Variants in ARPP21 observed in about 807,000 individuals in gnomAD.
ARPP21 encodes the protein cAMP regulated phosphoprotein 21, also known as cAMP-regulated phosphoprotein 21.
ARPP21 carries 69 observed loss-of-function variants against 113.2 expected under a neutral mutation model. The observed-to-expected ratio is 0.61, with a 90% CI of 0.50 to 0.74. The LOEUF (loss-of-function observed/expected upper bound fraction) is 0.74, where lower values mean the gene tolerates loss of function less well. Ranked by LOEUF, ARPP21 falls within the 30% of genes least tolerant of loss-of-function variation. ARPP21 has a pLI of 0.00. For synonymous variants in ARPP21, 368 were observed against 375.5 expected, an observed-to-expected ratio of 0.98 and a Z score of 0.23; for missense variants, 1,070 against 1,037.4, an observed-to-expected ratio of 1.03 and a Z score of -0.43.
At chr3:35,665,753 G>A (rs1416197783) in intron 1 of ARPP21, among the ~76,000 whole-genome samples, 1 of 152,152 alleles carries the variant, frequency 6.6e-6, no homozygotes, top group Non-Finnish European at 1.5e-5. Flanking sequence ...ATTCCATTTT[G>A]TAAAAAGTTA....
At chr3:35,685,798 A>T (rs1219004980) in intron 5 of ARPP21, 27 of 851,958 alleles carry the variant, frequency 3.2e-5, no homozygotes, top group Non-Finnish European at 3.8e-5. Flanking sequence ...ATATAAACTT[A>T]TCCTGTACCA....
At chr3:35,748,270 GAA>G (rs1249222369) in intron 19 of ARPP21, among the ~76,000 whole-genome samples, 2 of 129,276 alleles carry the variant, frequency 1.5e-5, no homozygotes, top group African/African-American at 5.9e-5. Context: ...AGGAGAGAGA[GAA>G]AGAAAGAAAA....
intron 12 of ARPP21, 100 bp downstream of exon 12, chr3:35,715,576 A>C: frequency 1.1e-6 from 1 of 926,906 alleles, no homozygotes; most frequent in Non-Finnish European, 1.7e-6. Flanking sequence ...TGTGTGCTTG[A>C]ATATATGTAT....
intron 19 of ARPP21, among the ~76,000 whole-genome samples, chr3:35,744,965 T>G (rs893536724): frequency 6.6e-6 from 1 of 152,210 alleles, no homozygotes; most frequent in African/African-American, 2.4e-5. Context: ...TCCTGTCAGA[T>G]TGGAGAAAGA....
At chr3:35,737,091 TA>T in intron 15 of ARPP21, 86 bp from the exon 16 acceptor site, 1 of 773,232 alleles carries the variant, frequency 1.3e-6, no homozygotes, top group South Asian at 1.9e-5. Context: ...TACTTTAGGT[TA>T]CTTTTTGAGT....
intron 1 of ARPP21, among the ~76,000 whole-genome samples, chr3:35,661,487 A>G (rs1707789830): frequency 6.6e-6 from 1 of 152,192 alleles, no homozygotes; most frequent in African/African-American, 2.4e-5. Flanking sequence ...AGTTGCTGCT[A>G]TAATTATTTA....
intron 19 of ARPP21, among the ~76,000 whole-genome samples, chr3:35,788,376 T>A (rs146263443): frequency 9.6e-4 from 147 of 152,342 alleles, no homozygotes; most frequent in African/African-American, 3.3e-3. Flanking sequence ...AATTTTTATA[T>A]GAAGCAGCTT....
chr3:35,764,411 T>C (rs1035130401), intron 19 of ARPP21, among the ~76,000 whole-genome samples: 4 of 152,206 alleles, frequency 2.6e-5, no homozygotes, highest in African/African-American at 9.6e-5. Flanking sequence ...ATAAAGTGTG[T>C]GGCAAAAGAT....
intron 1 of ARPP21, among the ~76,000 whole-genome samples, chr3:35,662,082 G>C (rs1575538555): frequency 6.6e-6 from 1 of 152,210 alleles, no homozygotes; most frequent in African/African-American, 2.4e-5. Flanking sequence ...GAGAGTTAAA[G>C]GTCAAAATAG....
At chr3:35,742,462 A>G (rs2094728618) in intron 18 of ARPP21, among the ~76,000 whole-genome samples, 2 of 152,232 alleles carry the variant, frequency 1.3e-5, no homozygotes, top group African/African-American at 4.8e-5. Context: ...GCGAATCACT[A>G]TAAGCAAGGT....
intron 19 of ARPP21, among the ~76,000 whole-genome samples, chr3:35,751,873 TA>T (rs1431368114): frequency 3.3e-5 from 5 of 152,074 alleles, no homozygotes; most frequent in Non-Finnish European, 7.4e-5. Context: ...TCTGCCTATG[TA>T]AACTCAAAAC....
intron 1 of ARPP21, among the ~76,000 whole-genome samples, chr3:35,648,704 A>G (rs1701214450): frequency 1.3e-5 from 2 of 152,208 alleles, no homozygotes; most frequent in Non-Finnish European, 2.9e-5. Flanking sequence ...TGGTTCCCCT[A>G]TCAAAAAATT....
chr3:35,672,534 A>G (rs534061699), intron 1 of ARPP21, among the ~76,000 whole-genome samples: 6 of 152,210 alleles, frequency 3.9e-5, no homozygotes, highest in South Asian at 4.1e-4. Context: ...GCCATTACTG[A>G]TTAGAATCCA....
intron 19 of ARPP21, among the ~76,000 whole-genome samples, chr3:35,786,632 C>T (rs1332626285): frequency 2.0e-5 from 3 of 151,804 alleles, no homozygotes; most frequent in Non-Finnish European, 2.9e-5. Flanking sequence ...AGTTAACAAA[C>T]TTTGACAAAC....
chr3:35,761,427 A>T (rs539774352), intron 19 of ARPP21, among the ~76,000 whole-genome samples: 2 of 152,200 alleles, frequency 1.3e-5, no homozygotes, highest in South Asian at 4.1e-4. Context: ...TCTTCTTTAT[A>T]CAGTAACCCC....
intron 19 of ARPP21, among the ~76,000 whole-genome samples, chr3:35,755,118 C>A (rs1455824065): frequency 1.3e-5 from 2 of 151,904 alleles, no homozygotes; most frequent in Non-Finnish European, 2.9e-5. Context: ...ATGTGATTTA[C>A]CTGATTATTT....
rs186347908 is a variant in ARPP21 at position 35,721,584 on chromosome 3, T to C, written c.996-21T>C. The C allele has an allele frequency of 5.0e-6, 7 of 1,396,382 alleles. No individual in the cohort carries two copies. The East Asian group carries it at 1.1e-4, about 23-fold the overall frequency. 86.5% of individuals were successfully genotyped at this position (1,396,382 alleles called of 1,614,324 possible). ...TAAGGTAATCCTGTCCCTGTGCATC[T>C]TTCTGGTGGTCGTACTCCAGGGGCA... On this transcript the variant is annotated intron_variant, in intron 13 of 20. Transcript: ENST00000684406.
chr3:35,761,511 A>G (rs569907707), intron 19 of ARPP21, among the ~76,000 whole-genome samples: 3 of 152,156 alleles, frequency 2.0e-5, no homozygotes, highest in South Asian at 4.1e-4. Flanking sequence ...CTTAGTGTCT[A>G]TGGAGGTGAC....
At chr3:35,690,809 T>C (rs771797969) in intron 8 of ARPP21, 56 bp from the exon 9 acceptor site, 102 of 1,521,394 alleles carry the variant, frequency 6.7e-5, no homozygotes, top group Non-Finnish European at 8.2e-5. Context: ...TGTAAAAAGG[T>C]ATTATGGGCA....
Sources: allele counts gnomAD v4.1 joint callset (sites outside exome capture counted in the v4.1 genomes callset), GRCh38; gene constraint gnomAD v4.1.1; transcripts MANE v1.5; gene names NCBI Gene and HGNC (gene_info 2026-07-23, HGNC 2026-07-21).